The following WDR19 variants were observed in gnomAD, a reference collection of about 807,000 sequenced individuals.
WDR19 encodes WD repeat-containing protein 19.
A neutral mutation model predicts 180.0 loss-of-function variants in WDR19; 121 were observed. The observed-to-expected ratio is 0.67, with a 90% CI of 0.58 to 0.78. The LOEUF (loss-of-function observed/expected upper bound fraction) is 0.78, where lower values mean the gene tolerates loss of function less well. WDR19 is among the 30% of genes least tolerant of loss of function. The pLI, the probability that WDR19 is intolerant of heterozygous loss-of-function variation, is 0.00. For synonymous variants in WDR19, 497 were observed against 540.7 expected (o/e 0.92, Z 1.12); for missense variants, 1,450 against 1,640.7 (o/e 0.88, Z 2.01).
intron 9 of WDR19, 150 bp downstream of exon 9, chr4:39,205,886 C>A (rs1461622464): frequency 5.6e-6 from 4 of 719,610 alleles, no homozygotes; most frequent in Non-Finnish European, 8.7e-6. Flanking sequence ...ATATTCAGGG[C>A]AAAAATATAA....
intron 6 of WDR19, among the ~76,000 whole-genome samples, chr4:39,202,187 C>T (rs1179637165): frequency 6.6e-6 from 1 of 152,122 alleles, no homozygotes; most frequent in East Asian, 1.9e-4. Context: ...AATCTCTCCT[C>T]TTCATAGTTT....
Position 39,217,200 on chromosome 4 carries a change from A to T in WDR19, c.1316A>T (p.Tyr439Phe). Residue 439 changes from tyrosine (Y) to phenylalanine (F), a missense_variant, in exon 13 of 37, where the codon TAT becomes TTT. Transcript: ENST00000399820. Reference protein sequence around the residue: ...TVASICLHSDYAAALFEGKVQ... With the variant: ...TVASICLHSDFAAALFEGKVQ... ...GCCAGTATTTGCCTTCATTCTGACT[A>T]TGCTGCTGCACTTTTTGAAGGCAAA... The T allele has an allele frequency of 1.0e-5, 16 of 1,607,682 alleles. No individual in the cohort carries two copies. Among genetic ancestry groups the T allele is most frequent in the Non-Finnish European group, 1.4e-5 (16 of 1,177,102 alleles).
rs150631494 is a variant in WDR19 at position 39,274,549 on chromosome 4, TG to T, written c.3566-258del. The T allele has an allele frequency of 2.0e-3, 837 of 421,580 alleles. 6 individuals carry two copies. The highest frequency in any genetic ancestry group is 0.015 in the African/African-American group (759 of 51,294). The allele number at this position is 421,580 out of a possible 1,614,324, so 26.1% of individuals were successfully genotyped here. A position where few individuals can be genotyped will look rare whatever the true frequency, so the allele number is the denominator to read the frequency against. On this transcript the variant is annotated intron_variant, in intron 32 of 36. Coordinates refer to ENST00000399820, the MANE Select transcript of WDR19 (RefSeq NM_025132.4). ...AGGCATGAAAGGAAACTCATGGAAGTGTTGCCTCAAGGGGTGCAGGTCCTAG... is the reference window on the plus strand; with the variant it reads ...AGGCATGAAAGGAAACTCATGGAAGTTTGCCTCAAGGGGTGCAGGTCCTAG...
chr4:39,205,191 T>A lies in WDR19; in HGVS notation c.641T>A (p.Leu214Ter), dbSNP rs751290509. Residue 214 changes from leucine to a stop codon, truncating the protein, a stop_gained, in exon 8 of 37, where the codon TTA becomes TAA. Coordinates refer to ENST00000399820, the MANE Select transcript of WDR19 (RefSeq NM_025132.4). LOFTEE classifies it high-confidence loss of function. ...CTTGGCAAGAAAACTTTGTTTTTTT[T>A]AAATCTGAATGAACCAGATAACCCA... ...VVLGKKTLFF[L>*]NLNEPDNPAD... The A allele has an allele frequency of 2.1e-5, 33 of 1,599,250 alleles. No individual in the cohort carries two copies. The highest frequency in any genetic ancestry group is 4.0e-5 in the African/African-American group (3 of 74,750).
In WDR19 at chr4:39,215,994, T is replaced by C; in HGVS notation, c.1115T>C (p.Val372Ala). 1 of 1,606,000 alleles carries C rather than the reference T, an allele frequency of 6.2e-7. No individual in the cohort carries two copies. Among genetic ancestry groups the C allele is most frequent in the Non-Finnish European group, 8.5e-7 (1 of 1,176,482 alleles). ...CTCACCTCCCTCCTTGAAGTCACCG[T>C]AGCCAACCCTGTTGAAGGAGTATGA... ...AYLTSLLEVT[V>A]ANPVEGELPI... is the part of the protein sequence containing the mutation. Residue 372 changes from valine to alanine, a missense_variant, in exon 11 of 37, where the codon GTA (valine) becomes GCA (alanine). Coordinates refer to ENST00000399820, the MANE Select transcript of WDR19 (RefSeq NM_025132.4).
intron 2 of WDR19, 48 bp downstream of exon 2, chr4:39,185,865 T>C: frequency 1.4e-6 from 2 of 1,413,692 alleles, no homozygotes; most frequent in Non-Finnish European, 1.9e-6. Context: ...GCCCATGTAA[T>C]CACACCATCT....
Position 39,217,186 on chromosome 4 carries a change from C to T in WDR19, c.1302C>T (p.Cys434=). Residue 434 remains cysteine, a synonymous_variant, in exon 13 of 37, where the codon TGC becomes TGT. Transcript: ENST00000399820. ...ATCTGGGAACAGTAGCCAGTATTTG[C>T]CTTCATTCTGACTATGCTGCTGCAC... ...MEYLGTVASI[C]LHSDYAAALF... 1.2e-6 allele frequency: 2 copies of T among 1,608,888 alleles called. No homozygotes were observed.
intron 23 of WDR19, among the ~76,000 whole-genome samples, chr4:39,244,937 T>C (rs1395776842): frequency 1.1e-3 from 150 of 138,424 alleles, no homozygotes; most frequent in African/African-American, 4.0e-3. Context: ...TTTTTTTTTT[T>C]CTTTTTTTTT....
rs1206896828 is a variant in WDR19 at position 39,278,693 on chromosome 4, G to A, written c.*13+30G>A. 9.9e-6 allele frequency: 14 copies of A among 1,416,576 alleles called. 1 individual carries two copies. Among genetic ancestry groups the A allele is most frequent in the South Asian group, 3.8e-5 (3 of 79,478 alleles). The allele number at this position is 1,416,576 out of a possible 1,614,324, so 87.8% of individuals were successfully genotyped here. On this transcript the variant is annotated intron_variant, in intron 36 of 36. Coordinates refer to ENST00000399820, the MANE Select transcript of WDR19 (RefSeq NM_025132.4). ...GTGGCAGAGCGCCCACGCACCTTCT[G>A]GGCGCAAGGGCCCACAGCGTGCACG... is the stretch of plus-strand genomic sequence containing the variant.
rs184326673 is a variant in WDR19, at chr4:39,215,993, G to A, written c.1114G>A (p.Val372Ile). 4.7e-5 allele frequency: 75 copies of A among 1,607,136 alleles called. No individual in the cohort carries two copies. Among genetic ancestry groups the A allele is most frequent in the Middle Eastern group, 3.3e-4 (2 of 6,034 alleles). The change falls in exon 11 of 37, where the codon GTA becomes ATA. Residue 372 changes from valine (V) to isoleucine (I), a missense_variant. By Grantham distance (29) the Val-to-Ile change is conservative. Coordinates refer to ENST00000399820, the MANE Select transcript of WDR19 (RefSeq NM_025132.4). ...AYLTSLLEVT[V>I]ANPVEGELPI... Reference sequence around the variant, plus strand: ...TCTCACCTCCCTCCTTGAAGTCACCGTAGCCAACCCTGTTGAAGGAGTATG... The same window carrying A: ...TCTCACCTCCCTCCTTGAAGTCACCATAGCCAACCCTGTTGAAGGAGTATG...
chr4:39,184,720 G>A (rs754628545), intron 1 of WDR19, among the ~76,000 whole-genome samples: 1 of 152,120 alleles, frequency 6.6e-6, no homozygotes, highest in Non-Finnish European at 1.5e-5. Flanking sequence ...TTGTGTTGCC[G>A]CACAGACTAA....
chr4:39,197,420 T>C (rs532768941), intron 5 of WDR19, among the ~76,000 whole-genome samples: 2 of 74,942 alleles, frequency 2.7e-5, no homozygotes, highest in Admixed American at 3.3e-4. Flanking sequence ...AGCAAGACTC[T>C]ATCTCAAAAA....
At chr4:39,273,261 CAGTAGTACCAA>C (rs1321079589) in intron 32 of WDR19, 200 bp downstream of exon 32, 2 of 522,408 alleles carry the variant, frequency 3.8e-6, no homozygotes, top group Non-Finnish European at 6.6e-6. Flanking sequence ...AGTCAACACA[CAGTAGTACCAA>C]AGCCGAGATT....
chr4:39,203,492 C>G, intron 6 of WDR19, 150 bp from the exon 7 acceptor site: 1 of 639,006 alleles, frequency 1.6e-6, no homozygotes, highest in Non-Finnish European at 2.7e-6. Flanking sequence ...TCTGTTTCAT[C>G]TAGAATTTCT....
chr4:39,223,478 A>G (rs1729910756), intron 14 of WDR19, among the ~76,000 whole-genome samples: 1 of 151,800 alleles, frequency 6.6e-6, no homozygotes, highest in Non-Finnish European at 1.5e-5. Flanking sequence ...TTACAGGCAC[A>G]CGCCACCACG....
At chr4:39,202,874 T>C (rs1406429758) in intron 6 of WDR19, among the ~76,000 whole-genome samples, 1 of 152,102 alleles carries the variant, frequency 6.6e-6, no homozygotes, top group Admixed American at 6.5e-5. Context: ...TTTTGAATTA[T>C]GAGCTCATCT....
chr4:39,217,223 A>G lies in WDR19; in HGVS notation c.1339A>G (p.Lys447Glu). 6.2e-7 allele frequency: 1 copy of G among 1,600,422 alleles called. No homozygotes were observed. ...SDYAAALFEG[K>E]VQLHLIESEI... Reference sequence around the variant, plus strand: ...CTATGCTGCTGCACTTTTTGAAGGCAAAGTCCAGTTACATTTGGTAAGTAT... The same window carrying G: ...CTATGCTGCTGCACTTTTTGAAGGCGAAGTCCAGTTACATTTGGTAAGTAT... The change falls in exon 13 of 37, where the codon AAA (lysine) becomes GAA (glutamate). Residue 447 changes from lysine (K) to glutamate (E), a missense_variant. Lys to Glu is a moderately conservative substitution (Grantham distance 56). Transcript: ENST00000399820.
chr4:39,205,049 G>T, intron 7 of WDR19, 105 bp from the exon 8 acceptor site: 1 of 723,398 alleles, frequency 1.4e-6, no homozygotes, highest in African/African-American at 1.8e-5. Flanking sequence ...ATCTAAATTG[G>T]GCTTATTATT....
chr4:39,228,377 T>C lies in WDR19; in HGVS notation c.1777+20T>C. ...TACAAGGTACTAAACCCCTTTTGTG[T>C]ATATTCGCTGACAGATGAATTTCCC... On this transcript the variant is annotated intron_variant, in intron 16 of 36. Coordinates refer to ENST00000399820, the MANE Select transcript of WDR19 (RefSeq NM_025132.4). 2 of 1,603,580 alleles carry C rather than the reference T, an allele frequency of 1.2e-6. No homozygotes were observed. The highest frequency in any genetic ancestry group is 1.7e-6 in the Non-Finnish European group (2 of 1,173,190).
Sources: gnomAD v4.1 joint callset for allele counts (sites outside exome capture counted in the v4.1 genomes callset) on GRCh38, gnomAD v4.1.1 for gene constraint, MANE v1.5 for transcripts, NCBI Gene and HGNC (gene_info 2026-07-23, HGNC 2026-07-21) for gene names.